MYCBP2: variants seen among roughly 807,000 people sequenced by gnomAD.
The protein encoded by MYCBP2 is MYC binding protein 2.
In MYCBP2, 120 loss-of-function variants were observed where a neutral mutation model predicts 525.3. The ratio of observed to expected loss-of-function variants is 0.23; its 90% CI spans 0.20 to 0.27. MYCBP2 has a LOEUF of 0.27. Ranked by LOEUF, MYCBP2 falls within the 10% of genes least tolerant of loss-of-function variation. The pLI, the probability that MYCBP2 is intolerant of heterozygous loss-of-function variation, is 1.00. For synonymous variants in MYCBP2, 1,894 were observed against 1,955.8 expected (o/e 0.97, Z 0.83); for missense variants, 4,149 against 5,657.1 (o/e 0.73, Z 8.55).
At chr13:77,310,786 G>GCACACA (rs147886448) in intron 1 of MYCBP2, among the ~76,000 whole-genome samples, 2 of 150,184 alleles carry the variant, frequency 1.3e-5, no homozygotes, top group East Asian at 2.0e-4. Flanking sequence ...GCGTGCGCAT[G>GCACACA]CACACACACA....
intron 27 of MYCBP2, among the ~76,000 whole-genome samples, chr13:77,193,208 A>T (rs1022955171): frequency 1.3e-5 from 2 of 152,312 alleles, no homozygotes; most frequent in African/African-American, 4.8e-5. Context: ...GGCTTTGCTG[A>T]AAATTAATCA....
At chr13:77,287,830 T>A (rs2154359169) in intron 3 of MYCBP2, among the ~76,000 whole-genome samples, 1 of 152,304 alleles carries the variant, frequency 6.6e-6, no homozygotes, top group Non-Finnish European at 1.5e-5. Flanking sequence ...GAGCTCTACT[T>A]CCATCTGCCA....
chr13:77,050,432 C>T (rs7991008), intron 82 of MYCBP2, among the ~76,000 whole-genome samples: 4,049 of 152,220 alleles, frequency 0.027, 197 homozygotes, highest in African/African-American at 0.091. Context: ...TCCACCTCAC[C>T]GTTGCCACTA....
chr13:77,051,858 G>T lies in MYCBP2; in HGVS notation c.13708C>A (p.Pro4570Thr). ...CAGGCACCACAAATGAGCTCTCTGG[G>T]ATCATAATCATCTCCCCGTCCAGCC... ...AEAGRGDDYDPRELICGACSD... is the reference protein window; with the variant it reads ...AEAGRGDDYDTRELICGACSD... The change falls in exon 81 of 83, where the codon CCC becomes ACC. Residue 4570 changes from proline to threonine, a missense_variant. By Grantham distance (38) the Pro-to-Thr change is conservative. Coordinates refer to ENST00000544440, the MANE Select transcript of MYCBP2 (RefSeq NM_015057.5). 1 of 1,614,076 alleles carries T rather than the reference G, an allele frequency of 6.2e-7. No homozygotes were observed. The highest frequency in any genetic ancestry group is 1.7e-5 in the Admixed American group (1 of 59,992).
At chr13:77,227,863 A>C (rs2066520341) in intron 18 of MYCBP2, among the ~76,000 whole-genome samples, 1 of 152,162 alleles carries the variant, frequency 6.6e-6, no homozygotes, top group South Asian at 2.1e-4. Context: ...ATACAACCAC[A>C]ATGACTAAAA....
chr13:77,243,974 A>G, intron 15 of MYCBP2, 23 bp from the exon 16 acceptor site: 1 of 1,507,926 alleles, frequency 6.6e-7, no homozygotes, highest in South Asian at 1.4e-5. Context: ...ACAAAAAAAA[A>G]AAAAAAAGAC....
At chr13:77,320,137 C>T (rs2081414225) in intron 1 of MYCBP2, among the ~76,000 whole-genome samples, 1 of 152,208 alleles carries the variant, frequency 6.6e-6, no homozygotes, top group South Asian at 2.1e-4. Context: ...TATATCCCTA[C>T]ACTGTATAGA....
chr13:77,070,817 T>C (rs1239929300), intron 68 of MYCBP2, 106 bp from the exon 69 acceptor site: 2 of 632,132 alleles, frequency 3.2e-6, no homozygotes, highest in South Asian at 2.8e-5. Flanking sequence ...TTTGTGTATA[T>C]ATTTTTAAAG....
chr13:77,204,310 C>T (rs1464642194), intron 26 of MYCBP2, among the ~76,000 whole-genome samples: 1 of 150,756 alleles, frequency 6.6e-6, no homozygotes, highest in Non-Finnish European at 1.5e-5. Flanking sequence ...CTCACCATCA[C>T]TGGCCATCAG....
At chr13:77,134,099 A>T (rs1322244015) in intron 52 of MYCBP2, among the ~76,000 whole-genome samples, 2 of 152,230 alleles carry the variant, frequency 1.3e-5, no homozygotes, top group Non-Finnish European at 2.9e-5. Context: ...AAAAATGGAA[A>T]ATAAAGAGAA....
rs1315458875 is a variant in MYCBP2 at position 77,200,686 on chromosome 13, C to T, written c.3843+4570G>A. 9.5e-4 allele frequency among the ~76,000 whole-genome samples: 145 copies of T among 152,242 alleles called. 1 individual carries two copies. Among genetic ancestry groups the T allele is most frequent in the South Asian group, 2.1e-4 (1 of 4,802 alleles). The stretch of plus-strand genomic sequence containing the variant: ...AAAGGGAAGCCCATCAGACTAACAG[C>T]GGATCTCTCAGCAGAAACTCTACAA... On this transcript the variant is annotated intron_variant, in intron 26 of 82. Transcript: ENST00000544440.
intron 55 of MYCBP2, among the ~76,000 whole-genome samples, chr13:77,115,591 G>A (rs2049599455): frequency 6.6e-6 from 1 of 151,402 alleles, no homozygotes; most frequent in Admixed American, 6.6e-5. Context: ...GGAATAAAAT[G>A]TTGCCTGATT....
chr13:77,192,332 T>C (rs2154259581), intron 27 of MYCBP2, among the ~76,000 whole-genome samples: 1 of 152,328 alleles, frequency 6.6e-6, no homozygotes. Context: ...GAAAATAATA[T>C]CCTGCTCATA....
chr13:77,116,020 A>G (rs997482727), intron 55 of MYCBP2, among the ~76,000 whole-genome samples: 2 of 151,844 alleles, frequency 1.3e-5, no homozygotes, highest in Non-Finnish European at 2.9e-5. Flanking sequence ...AGTCAACAGA[A>G]TTGACCTCAA....
At chr13:77,201,899 T>C (rs1593818768) in intron 26 of MYCBP2, among the ~76,000 whole-genome samples, 1 of 151,836 alleles carries the variant, frequency 6.6e-6, no homozygotes, top group Admixed American at 6.6e-5. Context: ...AAGCAGTGTG[T>C]AGAGGGAAAT....
intron 73 of MYCBP2, among the ~76,000 whole-genome samples, chr13:77,063,403 A>T (rs1227832833): frequency 6.6e-6 from 1 of 151,852 alleles, no homozygotes; most frequent in Non-Finnish European, 1.5e-5. Flanking sequence ...ACTAAATACA[A>T]AAAAAATTAG....
chr13:77,179,705 T>C (rs2060035644), intron 34 of MYCBP2, among the ~76,000 whole-genome samples: 1 of 152,252 alleles, frequency 6.6e-6, no homozygotes, highest in African/African-American at 2.4e-5. Context: ...TAAGTATGTA[T>C]TTCTCTAGGG....
chr13:77,105,470 C>T (rs2047707502), intron 55 of MYCBP2, among the ~76,000 whole-genome samples: 2 of 151,910 alleles, frequency 1.3e-5, no homozygotes, highest in African/African-American at 4.8e-5. Flanking sequence ...CTGAAAACAA[C>T]ACATGTTCTA....
In MYCBP2 at chr13:77,251,204, T is replaced by A; in HGVS notation, c.2328A>T (p.Thr776=). ...CMVCTVCGDC[T]GYGASCVSSG... Reference sequence around the variant, plus strand: ...TACTGACACAGCTGGCTCCATAACCTGTACAGTCTCCACAGACAGTGCAAA... The same window carrying A: ...TACTGACACAGCTGGCTCCATAACCAGTACAGTCTCCACAGACAGTGCAAA... Residue 776 remains threonine, a synonymous_variant, in exon 15 of 83, where the codon ACA becomes ACT. Coordinates refer to ENST00000544440, the MANE Select transcript of MYCBP2 (RefSeq NM_015057.5). 1 of 1,614,220 alleles carries A rather than the reference T, an allele frequency of 6.2e-7. No individual in the cohort carries two copies.
Sources: gnomAD v4.1 joint callset for allele counts (sites outside exome capture counted in the v4.1 genomes callset) on GRCh38, gnomAD v4.1.1 for gene constraint, MANE v1.5 for transcripts, NCBI Gene and HGNC (gene_info 2026-07-23, HGNC 2026-07-21) for gene names.